The following ADAMTS6 variants were observed in gnomAD, a reference collection of about 807,000 sequenced individuals.
ADAMTS6 encodes A disintegrin and metalloproteinase with thrombospondin motifs 6.
ADAMTS6 carries 23 observed loss-of-function variants against 144.3 expected under a neutral mutation model. That is an observed-to-expected ratio of 0.16 (90% CI 0.11 to 0.23). ADAMTS6 has a LOEUF of 0.23. Among genes scored for constraint, ADAMTS6 ranks in the 10% least tolerant of loss-of-function variants. The pLI, the probability that ADAMTS6 is intolerant of heterozygous loss-of-function variation, is 1.00. For missense variants in ADAMTS6, 999 were observed against 1,379.6 expected, an observed-to-expected ratio of 0.72 and a Z score of 4.37; for synonymous variants, 444 against 457.5, an observed-to-expected ratio of 0.97 and a Z score of 0.38.
chr5:65,446,442 C>T (rs1451194598), intron 7 of ADAMTS6, among the ~76,000 whole-genome samples: 1 of 152,086 alleles, frequency 6.6e-6, no homozygotes, highest in Non-Finnish European at 1.5e-5. Context: ...GGATAAAATG[C>T]CCATTTTAAT....
chr5:65,206,509 G>T lies in ADAMTS6; in HGVS notation c.2575+8285C>A, dbSNP rs1020549120. Among the ~76,000 whole-genome samples the T allele has an allele frequency of 3.9e-5, 6 of 151,942 alleles. No individual in the cohort carries two copies. The South Asian group carries it at 8.3e-4, about 21-fold the overall frequency. ...GGGTCAGGAGTTCGAGACCAGTCTG[G>T]CCAACATGTGAAACCCCGTCTCTAC... On this transcript the variant is annotated intron_variant, in intron 20 of 24. Coordinates refer to ENST00000381055, the MANE Select transcript of ADAMTS6 (RefSeq NM_197941.4).
chr5:65,261,471 C>G (rs977706195), intron 13 of ADAMTS6, among the ~76,000 whole-genome samples: 1 of 151,910 alleles, frequency 6.6e-6, no homozygotes, highest in African/African-American at 2.4e-5. Context: ...GTTTTTTATA[C>G]TTTGATTAAT....
At chr5:65,388,144 A>G (rs114695114) in intron 7 of ADAMTS6, among the ~76,000 whole-genome samples, 8,137 of 152,168 alleles carry the variant, frequency 0.053, 318 homozygotes, top group East Asian at 0.11. Flanking sequence ...CAGGAGGCAG[A>G]GTTGCGGTGA....
chr5:65,207,454 A>T (rs1430597378), intron 20 of ADAMTS6, among the ~76,000 whole-genome samples: 1 of 152,198 alleles, frequency 6.6e-6, no homozygotes. Context: ...CAGAACAGGT[A>T]CAAAGTTAAA....
chr5:65,321,738 C>T (rs111414922), intron 9 of ADAMTS6, among the ~76,000 whole-genome samples: 14,354 of 99,980 alleles, frequency 0.14, 871 homozygotes, highest in Middle Eastern at 0.26. Context: ...TTTTTTGAGA[C>T]GGAGTCTCGC....
chr5:65,185,672 T>G (rs1474493761), intron 22 of ADAMTS6, among the ~76,000 whole-genome samples: 1 of 152,178 alleles, frequency 6.6e-6, no homozygotes, highest in Non-Finnish European at 1.5e-5. Context: ...AAAAATGCCT[T>G]AGAGCCTCTT....
Position 65,189,066 on chromosome 5 carries a change from T to C in ADAMTS6, c.2706-846A>G, listed in dbSNP as rs974290083. 2.6e-5 allele frequency among the ~76,000 whole-genome samples: 4 copies of C among 152,130 alleles called. No homozygotes were observed. In the South Asian group the frequency reaches 8.3e-4, roughly 31 times the overall value. On this transcript the variant is annotated intron_variant, in intron 21 of 24. Transcript: ENST00000381055. ...AGCTCTATGAAAACAGGCAGATCTCTTGTTTCAACCTTTTGGCTCCTAAAA... is the reference window on the plus strand; with the variant it reads ...AGCTCTATGAAAACAGGCAGATCTCCTGTTTCAACCTTTTGGCTCCTAAAA...
Position 65,214,516 on chromosome 5 carries a change from A to G in ADAMTS6, c.2575+278T>C, listed in dbSNP as rs1756767971. 2.0e-6 allele frequency: 1 copy of G among 491,982 alleles called. No homozygotes were observed. Among genetic ancestry groups the G allele is most frequent in the Admixed American group, 3.3e-5 (1 of 30,056 alleles). 30.5% of individuals were successfully genotyped at this position (491,982 alleles called of 1,614,324 possible). On this transcript the variant is annotated intron_variant, in intron 20 of 24. Coordinates refer to ENST00000381055, the MANE Select transcript of ADAMTS6 (RefSeq NM_197941.4). The surrounding 1 kb of genome is among the most constrained non-coding windows in gnomAD (Gnocchi z 4.6). ...TACCAAGAATGTGTTCACGAAAGGC[A>G]AACAGCCCACCTTCAAGATAGTCTT...
intron 7 of ADAMTS6, among the ~76,000 whole-genome samples, chr5:65,346,312 G>A (rs999398582): frequency 4.6e-5 from 7 of 151,826 alleles, no homozygotes; most frequent in African/African-American, 1.7e-4. Context: ...TTCTGGAGAT[G>A]CAGGATGGTT....
chr5:65,241,528 G>A (rs1216278291), intron 15 of ADAMTS6, among the ~76,000 whole-genome samples: 1 of 152,012 alleles, frequency 6.6e-6, no homozygotes, highest in Non-Finnish European at 1.5e-5. Flanking sequence ...ACTATGCCTG[G>A]CCTCCAAGAG....
At chr5:65,427,666 C>T (rs995727366) in intron 7 of ADAMTS6, among the ~76,000 whole-genome samples, 5 of 151,518 alleles carry the variant, frequency 3.3e-5, no homozygotes, top group Non-Finnish European at 5.9e-5. Context: ...GGCGTGGTGG[C>T]GGGTGCCTGT....
chr5:65,190,621 T>G (rs1413516009), intron 21 of ADAMTS6, among the ~76,000 whole-genome samples: 2 of 152,194 alleles, frequency 1.3e-5, no homozygotes, highest in Non-Finnish European at 2.9e-5. Context: ...TCAGAAGTGT[T>G]GCAAAGGGTC....
chr5:65,369,433 A>G (rs1750629794), intron 7 of ADAMTS6, among the ~76,000 whole-genome samples: 1 of 152,196 alleles, frequency 6.6e-6, no homozygotes, highest in Non-Finnish European at 1.5e-5. Context: ...CAAACTAAGA[A>G]GTACGGAAAC....
At chr5:65,168,257 C>G (rs1353531888) in intron 24 of ADAMTS6, among the ~76,000 whole-genome samples, 5 of 150,696 alleles carry the variant, frequency 3.3e-5, no homozygotes, top group Non-Finnish European at 7.4e-5. Context: ...AACAGAGAGC[C>G]AAATCATGAG....
At chr5:65,257,621 T>C (rs1412039848) in intron 14 of ADAMTS6, among the ~76,000 whole-genome samples, 1 of 152,244 alleles carries the variant, frequency 6.6e-6, no homozygotes, top group African/African-American at 2.4e-5. Context: ...AAAGCATCAA[T>C]CTGAGGCTCT....
At chr5:65,237,464 G>A (rs139982985) in intron 15 of ADAMTS6, among the ~76,000 whole-genome samples, 1 of 150,720 alleles carries the variant, frequency 6.6e-6, no homozygotes, top group Non-Finnish European at 1.5e-5. Context: ...TTTCTCTTAA[G>A]GGAGTTAAAT....
intron 7 of ADAMTS6, among the ~76,000 whole-genome samples, chr5:65,385,052 T>A (rs1264942939): frequency 6.6e-6 from 1 of 152,178 alleles, no homozygotes; most frequent in Non-Finnish European, 1.5e-5. Flanking sequence ...ATCCCATTCA[T>A]GAAGGCTCTG....
chr5:65,343,623 C>G (rs1168754875), intron 7 of ADAMTS6, among the ~76,000 whole-genome samples: 2 of 151,984 alleles, frequency 1.3e-5, no homozygotes, highest in African/African-American at 4.8e-5. Flanking sequence ...TGCTTCAGGA[C>G]ATTGGTCTGA....
Position 65,151,780 on chromosome 5 carries a change from T to C in ADAMTS6, c.*56A>G. On this transcript the variant is annotated 3_prime_UTR_variant, in exon 25 of 25. Coordinates refer to ENST00000381055, the MANE Select transcript of ADAMTS6 (RefSeq NM_197941.4). ...TCCTCTTCCTCTGGGTGGCTCTCTT[T>C]GATGGATGCATTTCCATGATGAAAT... 1 of 1,493,678 alleles carries C rather than the reference T, an allele frequency of 6.7e-7. No homozygotes were observed. The allele number at this position is 1,493,678 out of a possible 1,614,324, so 92.5% of individuals were successfully genotyped here.
Sources: allele counts gnomAD v4.1 joint callset (sites outside exome capture counted in the v4.1 genomes callset), GRCh38; gene constraint gnomAD v4.1.1; non-coding constraint Gnocchi (gnomAD v3.1); transcripts MANE v1.5; gene names NCBI Gene and HGNC (gene_info 2026-07-23, HGNC 2026-07-21).